The following BIRC6 variants were observed in gnomAD, a reference collection of about 807,000 sequenced individuals.
The protein encoded by BIRC6 is baculoviral IAP repeat containing 6.
A neutral mutation model predicts 503.3 loss-of-function variants in BIRC6; 98 were observed. The ratio of observed to expected loss-of-function variants is 0.19; its 90% confidence interval spans 0.17 to 0.23. The LOEUF (loss-of-function observed/expected upper bound fraction) is 0.23, where lower values mean the gene tolerates loss of function less well. Among genes scored for constraint, BIRC6 ranks in the 10% least tolerant of loss-of-function variants. The probability of loss-of-function intolerance (pLI) is 1.00; values close to 1 mark genes in which losing one functional copy is unlikely to be tolerated. For missense variants in BIRC6, 5,360 were observed against 5,806.0 expected, an observed-to-expected ratio of 0.92 and a Z score of 2.50; for synonymous variants, 2,240 against 2,078.7, an observed-to-expected ratio of 1.08 and a Z score of -2.11.
chr2:32,509,591 T>G, intron 51 of BIRC6, 147 bp from the exon 52 acceptor site: 1 of 887,048 alleles, frequency 1.1e-6, no homozygotes, highest in South Asian at 1.7e-5. Context: ...GTCTGTTTAC[T>G]TAATTTGCAG....
chr2:32,393,889 T>C (rs1220912771), intron 5 of BIRC6, among the ~76,000 whole-genome samples: 1 of 152,022 alleles, frequency 6.6e-6, no homozygotes, highest in African/African-American at 2.4e-5. Context: ...GAAGATTGAT[T>C]ATTCCTTCGT....
intron 60 of BIRC6, 135 bp from the exon 61 acceptor site, chr2:32,531,220 T>C (rs761708968): frequency 4.3e-6 from 3 of 697,250 alleles, no homozygotes; most frequent in Non-Finnish European, 7.0e-6. Context: ...ATAATACAGC[T>C]ATATCTAAAT....
intron 1 of BIRC6, among the ~76,000 whole-genome samples, chr2:32,374,762 G>A (rs945766233): frequency 4.6e-5 from 7 of 151,942 alleles, no homozygotes; most frequent in African/African-American, 1.5e-4. Flanking sequence ...GTGAGCCACC[G>A]CGCCCGGCAA....
chr2:32,576,567 ATTTAC>A, intron 66 of BIRC6, among the ~76,000 whole-genome samples: 1 of 152,226 alleles, frequency 6.6e-6, no homozygotes, highest in South Asian at 2.1e-4. Context: ...TATTTACTGT[ATTTAC>A]TTTGCTTTTT....
chr2:32,493,652 T>C lies in BIRC6; in HGVS notation c.8453T>C (p.Ile2818Thr), dbSNP rs753093919. Reference protein sequence around the residue: ...FSEFLLKLIHILSTERGAFQT... With the variant: ...FSEFLLKLIHTLSTERGAFQT... ...GAATTTTTGCTCAAGCTAATTCATATACTTTCAACTGAAAGGTAAATTTTT... is the reference window on the plus strand; with the variant it reads ...GAATTTTTGCTCAAGCTAATTCATACACTTTCAACTGAAAGGTAAATTTTT... Residue 2818 changes from isoleucine to threonine, a missense_variant, in exon 45 of 74, where the codon ATA becomes ACA. This residue lies in a region of BIRC6 where 2,299 missense variants were observed against 2,267.2 expected (regional missense o/e 1.01). Transcript: ENST00000421745. 1.9e-6 allele frequency: 3 copies of C among 1,602,164 alleles called. No homozygotes were observed. In the South Asian group the frequency reaches 3.3e-5, roughly 18 times the overall value.
At chr2:32,591,400 G>T (rs1285139682) in intron 66 of BIRC6, among the ~76,000 whole-genome samples, 2 of 152,030 alleles carry the variant, frequency 1.3e-5, no homozygotes, top group African/African-American at 4.8e-5. Context: ...CTAACCTTGT[G>T]TACTATTTTA....
At chr2:32,366,499 T>TA (rs2034952103) in intron 1 of BIRC6, among the ~76,000 whole-genome samples, 2 of 152,206 alleles carry the variant, frequency 1.3e-5, no homozygotes, top group Admixed American at 1.3e-4. Flanking sequence ...TAACTATACT[T>TA]ACATTGTTAA....
intron 56 of BIRC6, 31 bp downstream of exon 56, chr2:32,518,428 G>A (rs1264356399): frequency 6.3e-7 from 1 of 1,576,678 alleles, no homozygotes; most frequent in Non-Finnish European, 8.5e-7. Flanking sequence ...CATTGGCTGT[G>A]TATACATGTA....
chr2:32,482,319 G>T, intron 38 of BIRC6, 110 bp from the exon 39 acceptor site: 1 of 1,068,098 alleles, frequency 9.4e-7, no homozygotes, highest in South Asian at 1.9e-5. Flanking sequence ...AATTTAAAGG[G>T]TGGATAGAAT....
intron 70 of BIRC6, chr2:32,602,540 T>G (rs1327603386): frequency 6.5e-6 from 1 of 152,942 alleles, no homozygotes; most frequent in Non-Finnish European, 1.5e-5. Context: ...GTGACTGTAG[T>G]AAATAAAAAT....
intron 43 of BIRC6, among the ~76,000 whole-genome samples, chr2:32,490,984 T>C (rs2051630070): frequency 6.6e-6 from 1 of 152,228 alleles, no homozygotes; most frequent in African/African-American, 2.4e-5. Context: ...ACTGTTGTGT[T>C]ACCTGTACGT....
intron 10 of BIRC6, among the ~76,000 whole-genome samples, chr2:32,425,617 A>C (rs75355148): frequency 4.9e-4 from 75 of 152,254 alleles, no homozygotes; most frequent in African/African-American, 1.8e-3. Flanking sequence ...GACATTTTCA[A>C]ACTATTTGTA....
intron 71 of BIRC6, among the ~76,000 whole-genome samples, 179 bp from the exon 72 acceptor site, chr2:32,607,276 A>G (rs1056275334): frequency 1.3e-5 from 2 of 152,050 alleles, no homozygotes; most frequent in African/African-American, 4.8e-5. Flanking sequence ...TATTGTGCCT[A>G]ATTTTATTTT....
intron 60 of BIRC6, 76 bp from the exon 61 acceptor site, chr2:32,531,279 T>A: frequency 7.8e-7 from 1 of 1,285,954 alleles, no homozygotes; most frequent in Non-Finnish European, 1.1e-6. Context: ...CAGTAATACC[T>A]GCTTTTGTAA....
At chr2:32,513,304 G>A in intron 54 of BIRC6, 150 bp downstream of exon 54, 1 of 633,150 alleles carries the variant, frequency 1.6e-6, no homozygotes, top group East Asian at 2.8e-5. Flanking sequence ...GAAATGAATT[G>A]TCAAATATTA....
rs542467718 is a variant in BIRC6 at position 32,398,423 on chromosome 2, A to G, written c.1035-2740A>G. Among the ~76,000 whole-genome samples, 6 of 152,332 alleles carry G rather than the reference A, an allele frequency of 3.9e-5. No individual in the cohort carries two copies. The South Asian group carries it at 1.2e-3, about 32-fold the overall frequency. On this transcript the variant is annotated intron_variant, in intron 6 of 73. Transcript: ENST00000421745. ...CAGTAACTTTCAGATATGTTACTGTATCAAGAAATCTTTCGTGTTAATAGA... is the reference window on the plus strand; with the variant it reads ...CAGTAACTTTCAGATATGTTACTGTGTCAAGAAATCTTTCGTGTTAATAGA...
In BIRC6 at chr2:32,415,178, T is replaced by C; in HGVS notation, c.1887T>C (p.Val629=). The change falls in exon 10 of 74, where the codon GTT becomes GTC. Residue 629 remains valine (V), a synonymous_variant. Coordinates refer to ENST00000421745, the MANE Select transcript of BIRC6 (RefSeq NM_016252.4). Reference sequence around the variant, plus strand: ...CTCTGGTAAGGAGGACTTTACCGGTTTTGCTTCTTTATAGCATCAAGGAAT... The same window carrying C: ...CTCTGGTAAGGAGGACTTTACCGGTCTTGCTTCTTTATAGCATCAAGGAAT... The part of the protein sequence containing the change: ...NSPLVRRTLP[V]LLLYSIKESD... 6.2e-7 allele frequency: 1 copy of C among 1,613,980 alleles called. No individual in the cohort carries two copies. The highest frequency in any genetic ancestry group is 8.5e-7 in the Non-Finnish European group (1 of 1,179,892).
chr2:32,361,056 G>A (rs1316225490), intron 1 of BIRC6, among the ~76,000 whole-genome samples: 1 of 151,956 alleles, frequency 6.6e-6, no homozygotes, highest in African/African-American at 2.4e-5. Flanking sequence ...GAATAGCTGG[G>A]ATTACAGGTA....
chr2:32,519,098 G>A, intron 57 of BIRC6, 152 bp downstream of exon 57: 1 of 777,120 alleles, frequency 1.3e-6, no homozygotes, highest in African/African-American at 1.7e-5. Flanking sequence ...AGCATAAGAA[G>A]CCAGTCAAGT....
Sources: gnomAD v4.1 joint callset for allele counts (sites outside exome capture counted in the v4.1 genomes callset) on GRCh38, gnomAD v4.1.1 for gene constraint, gnomAD v4.1.1 regional missense constraint, MANE v1.5 for transcripts, NCBI Gene and HGNC (gene_info 2026-07-23, HGNC 2026-07-21) for gene names.